Variants in MUC4 observed in about 807,000 individuals in gnomAD.
The protein encoded by MUC4 is mucin-4.
MUC4 carries 202 observed loss-of-function variants against 257.9 expected under a neutral mutation model. That is an observed-to-expected ratio of 0.78 (90% CI 0.70 to 0.88). The LOEUF (loss-of-function observed/expected upper bound fraction) is 0.88, where lower values mean the gene tolerates loss of function less well. Ranked by LOEUF, MUC4 falls within the 40% of genes least tolerant of loss-of-function variation. The pLI, the probability that MUC4 is intolerant of heterozygous loss-of-function variation, is 0.00. For synonymous variants in MUC4, 2,351 were observed against 2,757.1 expected, an observed-to-expected ratio of 0.85 and a Z score of 4.62; for missense variants, 5,976 against 6,513.7, an observed-to-expected ratio of 0.92 and a Z score of 2.84.
At chr3:195,748,809 C>G (rs777298513) in intron 24 of MUC4, 93 bp downstream of exon 24, 2 of 1,417,884 alleles carry the variant, frequency 1.4e-6, no homozygotes, top group Admixed American at 5.3e-5. Flanking sequence ...TCTGATCTCT[C>G]GAGCCATCCT....
chr3:195,775,665 C>G (rs1245139907), intron 3 of MUC4, among the ~76,000 whole-genome samples: 2 of 14,364 alleles, frequency 1.4e-4, no homozygotes, highest in Non-Finnish European at 2.4e-4. Flanking sequence ...CCTTCCACAC[C>G]CATACCTTCC....
rs761732645 is a variant in MUC4 at position 195,782,536 on chromosome 3, G to C, written c.9044C>G (p.Ser3015Cys). 6.8e-7 allele frequency: 1 copy of C among 1,478,196 alleles called. No homozygotes were observed. Among genetic ancestry groups the C allele is most frequent in the Non-Finnish European group, 9.1e-7 (1 of 1,102,648 alleles). The allele number at this position is 1,478,196 out of a possible 1,614,324, so 91.6% of individuals were successfully genotyped here. ...GGTGGCGTGACCTGTGGATATTGAG[G>C]AAGTGTCGGTGACAGGAAGAGAGGT... ...HATSLPVTDT[S>C]SISTGHATPL... The change falls in exon 2 of 25, where the codon TCC (serine) becomes TGC (cysteine). Residue 3015 changes from serine (S) to cysteine (C), a missense_variant. By Grantham distance (112) the Ser-to-Cys change is moderately radical. Transcript: ENST00000463781.
At chr3:195,762,411 C>T (rs372023678) in intron 13 of MUC4, among the ~76,000 whole-genome samples, 157 bp from the exon 14 acceptor site, 1 of 151,504 alleles carries the variant, frequency 6.6e-6, no homozygotes, top group East Asian at 2.0e-4. Flanking sequence ...GCGAGCTGCA[C>T]GCCCCGCTCG....
In MUC4 at chr3:195,810,649, C is replaced by T. The variant is rs1484215648; in HGVS notation, c.82+1087G>A. On this transcript the variant is annotated intron_variant, in intron 1 of 24. Coordinates refer to ENST00000463781, the MANE Select transcript of MUC4 (RefSeq NM_018406.7). The surrounding 1 kb of genome is among the most constrained non-coding windows in gnomAD (Gnocchi z 4.2). ...GGTAAGAAGCCCACGGCCAGCACCT[C>T]CCGGCCCTCTGCGCCCTGGCCGCCT... Among the ~76,000 whole-genome samples the T allele has an allele frequency of 6.6e-6, 1 of 152,164 alleles. No individual in the cohort carries two copies. Among genetic ancestry groups the T allele is most frequent in the Non-Finnish European group, 1.5e-5 (1 of 68,026 alleles).
intron 3 of MUC4, among the ~76,000 whole-genome samples, chr3:195,774,541 G>A (rs1723902675): frequency 6.6e-6 from 1 of 152,118 alleles, no homozygotes; most frequent in African/African-American, 2.4e-5. Context: ...AGAAAAACAG[G>A]TCCTGCTGTC....
intron 7 of MUC4, among the ~76,000 whole-genome samples, chr3:195,767,799 CCATCATCACCACCAT>C (rs1438967766): frequency 1.1e-4 from 14 of 127,200 alleles, no homozygotes; most frequent in African/African-American, 4.7e-4. Context: ...ATTGCCACCA[CCATCATCACCACCAT>C]CACCACCACC....
chr3:195,749,216 G>C lies in MUC4; in HGVS notation c.15872-152C>G, dbSNP rs1196609516. 1.6e-4 allele frequency: 146 copies of C among 927,504 alleles called. No homozygotes were observed. In the African/African-American group the frequency reaches 2.2e-3, roughly 14 times the overall value. 57.5% of individuals were successfully genotyped at this position (927,504 alleles called of 1,614,324 possible). Reference sequence around the variant, plus strand: ...TGCCCCTGGACGTTCAGATCAGCATGGTGGATAATAGTAACGTTTCAGAAG... The same window carrying C: ...TGCCCCTGGACGTTCAGATCAGCATCGTGGATAATAGTAACGTTTCAGAAG... On this transcript the variant is annotated intron_variant, in intron 23 of 24. Coordinates refer to ENST00000463781, the MANE Select transcript of MUC4 (RefSeq NM_018406.7).
chr3:195,811,167 A>G (rs1736684716), intron 1 of MUC4, among the ~76,000 whole-genome samples: 1 of 144,112 alleles, frequency 6.9e-6, no homozygotes, highest in South Asian at 2.2e-4. Flanking sequence ...TTATTTATTT[A>G]TTTATTTATT....
At position 195,789,770 on chromosome 3, in the gene MUC4, T is replaced by C; in HGVS notation, c.1810A>G (p.Arg604Gly). Residue 604 changes from arginine to glycine, a missense_variant, in exon 2 of 25, where the codon AGA becomes GGA. Physicochemically the swap from Arg to Gly is moderately radical, Grantham distance 125. This residue lies in a region of MUC4 where 1,583 missense variants were observed against 1,257.4 expected (regional missense o/e 1.26). Coordinates refer to ENST00000463781, the MANE Select transcript of MUC4 (RefSeq NM_018406.7). ...TSPSSSPMLD[R>G]HTSQQITTAP... is the part of the protein sequence containing the mutation. Reference sequence around the variant, plus strand: ...GTTGTAATTTGTTGGGATGTGTGTCTATCCAGCATAGGTGAAGAAGATGGG... The same window carrying C: ...GTTGTAATTTGTTGGGATGTGTGTCCATCCAGCATAGGTGAAGAAGATGGG... 1.2e-6 allele frequency: 2 copies of C among 1,614,030 alleles called. No individual in the cohort carries two copies. Among genetic ancestry groups the C allele is most frequent in the Non-Finnish European group, 8.5e-7 (1 of 1,179,880 alleles).
chr3:195,778,779 T>A lies in MUC4; in HGVS notation c.12790+11A>T. ...ACTGGGAGACATAAAGGCGAGGCAG[T>A]TGGCAGCTACCTGGTGTTTCCATCT... On this transcript the variant is annotated intron_variant, in intron 2 of 24. Transcript: ENST00000463781. 6.2e-7 allele frequency: 1 copy of A among 1,603,198 alleles called. No homozygotes were observed. Among genetic ancestry groups the A allele is most frequent in the South Asian group, 1.1e-5 (1 of 89,680 alleles).
In MUC4 at chr3:195,763,362, C is replaced by G. The variant is rs1034814322; in HGVS notation, c.14253+71G>C. On this transcript the variant is annotated intron_variant, in intron 12 of 24. Transcript: ENST00000463781. ...CCCCTCCTTCGCTCTCTTCCTTCTC[C>G]TCGGCCTCAGTATGTGGCTGAAGGT... 3.0e-6 allele frequency: 4 copies of G among 1,348,766 alleles called. No homozygotes were observed. The Admixed American group carries it at 1.4e-4, about 48-fold the overall frequency. 83.5% of individuals were successfully genotyped at this position (1,348,766 alleles called of 1,614,324 possible).
Position 195,801,446 on chromosome 3 carries a change from G to A in MUC4, c.83-9949C>T, listed in dbSNP as rs537117101. ...TTCTCCGCACCCTCCCCGGGGCCCC[G>A]GGGCTCCCTCCTGCCCGGATGGCTC... On this transcript the variant is annotated intron_variant, in intron 1 of 24. Coordinates refer to ENST00000463781, the MANE Select transcript of MUC4 (RefSeq NM_018406.7). Among the ~76,000 whole-genome samples, 38 of 151,734 alleles carry A rather than the reference G, an allele frequency of 2.5e-4. 1 individual carries two copies. Among genetic ancestry groups the A allele is most frequent in the South Asian group, 4.2e-4 (2 of 4,782 alleles).
rs1479892929 is a variant in MUC4 at position 195,762,926 on chromosome 3, G to A, written c.14273C>T (p.Pro4758Leu). The A allele has an allele frequency of 1.3e-6, 2 of 1,565,722 alleles. No homozygotes were observed. The highest frequency in any genetic ancestry group is 1.9e-5 in the Admixed American group (1 of 53,774). The change falls in exon 13 of 25, where the codon CCT (proline) becomes CTT (leucine). Residue 4758 changes from proline to leucine, a missense_variant. Physicochemically the swap from Pro to Leu is moderately conservative, Grantham distance 98. This residue lies in a region of MUC4 where 996 missense variants were observed against 1,137.3 expected (regional missense o/e 0.88). Coordinates refer to ENST00000463781, the MANE Select transcript of MUC4 (RefSeq NM_018406.7). ...CAGCAGGACACGGATTGCGTCGTGAGGCTCAAGGAGCCATTGGACCTGGAA... is the reference window on the plus strand; with the variant it reads ...CAGCAGGACACGGATTGCGTCGTGAAGCTCAAGGAGCCATTGGACCTGGAA... ...GPVTVQWLLE[P>L]HDAIRVLLDN...
At position 195,778,395 on chromosome 3, in the gene MUC4, G is replaced by T; in HGVS notation, c.12851C>A (p.Pro4284His). ...GGRRTATSPP[P>H]TTSQTIISTI... ...GGAAATGATGGTCTGGGAGGTTGTG[G>T]GGGGTGGTGATGTGGCTGTGCGTCT... The change falls in exon 3 of 25, where the codon CCC becomes CAC. Residue 4284 changes from proline to histidine, a missense_variant. By Grantham distance (77) the Pro-to-His change is moderately conservative. This residue lies in a region of MUC4 where 233 missense variants were observed against 171.2 expected (regional missense o/e 1.36). Transcript: ENST00000463781. The T allele has an allele frequency of 6.2e-7, 1 of 1,613,298 alleles. No individual in the cohort carries two copies. Among genetic ancestry groups the T allele is most frequent in the East Asian group, 2.2e-5 (1 of 44,890 alleles).
rs1466148288 is a variant in MUC4 at position 195,786,667 on chromosome 3, G to A, written c.4913C>T (p.Ala1638Val). 2.0e-6 allele frequency: 3 copies of A among 1,525,038 alleles called. No homozygotes were observed. Among genetic ancestry groups the A allele is most frequent in the South Asian group, 2.4e-5 (2 of 82,832 alleles). The allele number at this position is 1,525,038 out of a possible 1,614,324, so 94.5% of individuals were successfully genotyped here. The change falls in exon 2 of 25, where the codon GCT becomes GTT. Residue 1638 changes from alanine (A) to valine (V), a missense_variant. Physicochemically the swap from Ala to Val is moderately conservative, Grantham distance 64. Coordinates refer to ENST00000463781, the MANE Select transcript of MUC4 (RefSeq NM_018406.7). ...GGCGTGACCTGTGGATAATGAGGAAGCATTGGTGACAGGAAGAGGGGTGGT... is the reference window on the plus strand; with the variant it reads ...GGCGTGACCTGTGGATAATGAGGAAACATTGGTGACAGGAAGAGGGGTGGT... ...GDTTPLPVTN[A>V]SSLSTGHATP...
intron 23 of MUC4, chr3:195,749,881 A>C (rs1443633844): frequency 6.6e-6 from 1 of 152,254 alleles, no homozygotes; most frequent in Non-Finnish European, 1.5e-5. Flanking sequence ...CTTTTTGTTA[A>C]GTTTGTGTTT....
rs141696215 is a variant in MUC4, at chr3:195,762,194, G to T, written c.14405C>A (p.Ala4802Asp). Residue 4802 changes from alanine (A) to aspartate (D), a missense_variant, in exon 14 of 25, where the codon GCC becomes GAC. Physicochemically the swap from Ala to Asp is moderately radical, Grantham distance 126. Coordinates refer to ENST00000463781, the MANE Select transcript of MUC4 (RefSeq NM_018406.7). ...LLSRNGSEVS[A>D]SFDGWATVSV... is the part of the protein sequence containing the mutation. Reference sequence around the variant, plus strand: ...GACGGTGGCCCAGCCGTCGAAGCTGGCCGAGACCTCAGAGCCGTTGCGGCT... The same window carrying T: ...GACGGTGGCCCAGCCGTCGAAGCTGTCCGAGACCTCAGAGCCGTTGCGGCT... The T allele has an allele frequency of 9.9e-4, 1,589 of 1,603,432 alleles. 1 individual carries two copies. Among genetic ancestry groups the T allele is most frequent in the Admixed American group, 1.7e-3 (99 of 58,954 alleles).
In MUC4 at chr3:195,789,417, A is replaced by G; in HGVS notation, c.2163T>C (p.Asp721=). 1.9e-6 allele frequency: 3 copies of G among 1,613,886 alleles called. No homozygotes were observed. Among genetic ancestry groups the G allele is most frequent in the Non-Finnish European group, 2.5e-6 (3 of 1,179,864 alleles). The part of the protein sequence containing the change: ...TALQAAPSSH[D]ATLGPSGGTS... ...TGCCTCCTGAGGGCCCCAGGGTGGC[A>G]TCATGGCTGCTGGGTGCTGCCTGCA... The change falls in exon 2 of 25, where the codon GAT becomes GAC. Residue 721 remains aspartate, a synonymous_variant. Transcript: ENST00000463781.
At position 195,781,683 on chromosome 3, in the gene MUC4, G is replaced by A. The variant is rs758496072; in HGVS notation, c.9897C>T (p.Val3299=). Reference sequence around the variant, plus strand: ...CTGTGGATACTGAGGAAGTCTCGGTGACAAGAAGAGGGGTGGTGTCACCTG... The same window carrying A: ...CTGTGGATACTGAGGAAGTCTCGGTAACAAGAAGAGGGGTGGTGTCACCTG... The part of the protein sequence containing the change: ...SSTGDTTPLL[V]TETSSVSTGH... Residue 3299 remains valine (V), a synonymous_variant, in exon 2 of 25, where the codon GTC becomes GTT. Transcript: ENST00000463781. The A allele has an allele frequency of 7.4e-6, 10 of 1,350,120 alleles. No individual in the cohort carries two copies. The highest frequency in any genetic ancestry group is 3.5e-5 in the African/African-American group (2 of 56,682). The allele number at this position is 1,350,120 out of a possible 1,614,324, so 83.6% of individuals were successfully genotyped here.
Sources: allele counts gnomAD v4.1 joint callset (sites outside exome capture counted in the v4.1 genomes callset), GRCh38; gene constraint gnomAD v4.1.1; regional missense constraint gnomAD v4.1.1; non-coding constraint Gnocchi (gnomAD v3.1); transcripts MANE v1.5; gene names NCBI Gene and HGNC (gene_info 2026-07-23, HGNC 2026-07-21).